The following PLPP4 variants were observed in gnomAD, a reference collection of about 807,000 sequenced individuals.
PLPP4 encodes diacylglycerol pyrophosphate like 2.
In PLPP4, 20 loss-of-function variants were observed where a neutral mutation model predicts 32.2. The observed-to-expected ratio is 0.62, with a 90% CI of 0.44 to 0.90. The LOEUF (loss-of-function observed/expected upper bound fraction) is 0.90, where lower values mean the gene tolerates loss of function less well. Among genes scored for constraint, PLPP4 ranks in the 40% least tolerant of loss-of-function variants. The pLI is 0.00. For synonymous variants in PLPP4, 127 were observed against 133.0 expected (o/e 0.95, Z 0.31); for missense variants, 257 against 353.1 (o/e 0.73, Z 2.18).
chr10:120,527,577 A>G (rs540209711), intron 5 of PLPP4, among the ~76,000 whole-genome samples: 6 of 152,226 alleles, frequency 3.9e-5, no homozygotes, highest in African/African-American at 7.2e-5. Context: ...CCAAGTTGAC[A>G]CATAAGGTTA....
intron 5 of PLPP4, among the ~76,000 whole-genome samples, chr10:120,521,563 TC>T (rs1846157585): frequency 6.6e-6 from 1 of 152,172 alleles, no homozygotes; most frequent in Admixed American, 6.5e-5. Context: ...CAGTTTATAG[TC>T]TGACTATAGA....
intron 6 of PLPP4, among the ~76,000 whole-genome samples, chr10:120,578,778 G>A (rs189689600): frequency 6.6e-6 from 1 of 152,168 alleles, no homozygotes; most frequent in African/African-American, 2.4e-5. Context: ...ACACAAAACC[G>A]GTGGGATCAA....
In PLPP4 at chr10:120,503,612, T is replaced by C. The variant is rs193270781; in HGVS notation, c.57-206T>C. ...AATTGGTCCTTCTGGCAGGTAGTGATGGAAGAGTCTGCAAAGTCTCAGTGA... is the reference window on the plus strand; with the variant it reads ...AATTGGTCCTTCTGGCAGGTAGTGACGGAAGAGTCTGCAAAGTCTCAGTGA... On this transcript the variant is annotated intron_variant, in intron 1 of 6. Transcript: ENST00000398250. The C allele has an allele frequency of 8.2e-4, 1,314 of 1,609,606 alleles. 2 individuals are homozygous for C. Among genetic ancestry groups the C allele is most frequent in the Non-Finnish European group, 1.1e-3 (1,256 of 1,178,046 alleles).
chr10:120,548,673 G>A (rs1036680204), intron 5 of PLPP4, among the ~76,000 whole-genome samples: 13 of 152,190 alleles, frequency 8.5e-5, no homozygotes, highest in Non-Finnish European at 1.6e-4. Flanking sequence ...CACAATGGCT[G>A]AACTAATTTA....
rs1845721792 is a variant in PLPP4, at chr10:120,511,377, A to T, written c.166-2534A>T. Among the ~76,000 whole-genome samples, 3 of 152,174 alleles carry T rather than the reference A, an allele frequency of 2.0e-5. No homozygotes were observed. The South Asian group carries it at 6.2e-4, about 31-fold the overall frequency. On this transcript the variant is annotated intron_variant, in intron 2 of 6. Transcript: ENST00000398250. ...CTCTGGAATTTCCTTTGGAAGCCTC[A>T]TTGGGAAAGTCATCCCAACTCATAC... is the stretch of plus-strand genomic sequence containing the variant.
At chr10:120,549,239 G>A (rs2901246) in intron 5 of PLPP4, among the ~76,000 whole-genome samples, 106,182 of 151,106 alleles carry the variant, frequency 0.7, 37,496 homozygotes, top group East Asian at 0.81. Context: ...AATACTTAAA[G>A]AAAAGATAAT....
intron 5 of PLPP4, among the ~76,000 whole-genome samples, chr10:120,528,913 A>G (rs181042507): frequency 3.1e-4 from 47 of 152,304 alleles, no homozygotes; most frequent in African/African-American, 1.0e-3. Flanking sequence ...TCTTAAAAAT[A>G]TAAGCATCTA....
At chr10:120,487,374 G>T (rs1291977225) in intron 1 of PLPP4, among the ~76,000 whole-genome samples, 1 of 152,150 alleles carries the variant, frequency 6.6e-6, no homozygotes, top group Non-Finnish European at 1.5e-5. Context: ...GTGAACCTTT[G>T]GTATTTTAAA....
At chr10:120,508,145 A>C (rs1321190462) in intron 2 of PLPP4, among the ~76,000 whole-genome samples, 1 of 152,232 alleles carries the variant, frequency 6.6e-6, no homozygotes, top group East Asian at 1.9e-4. Context: ...ATTCTGGGAT[A>C]GGATGCTTCT....
At chr10:120,503,772 G>A in intron 1 of PLPP4, 46 bp from the exon 2 acceptor site, 1 of 1,592,258 alleles carries the variant, frequency 6.3e-7, no homozygotes, top group South Asian at 1.1e-5. Context: ...ACTTCCCACA[G>A]CAACAGAACG....
intron 5 of PLPP4, among the ~76,000 whole-genome samples, chr10:120,530,911 G>A (rs554189000): frequency 6.6e-6 from 1 of 152,160 alleles, no homozygotes; most frequent in South Asian, 2.1e-4. Context: ...TAATGTTGCT[G>A]TGCACCTTGT....
intron 6 of PLPP4, 53 bp downstream of exon 6, chr10:120,575,354 C>G: frequency 6.4e-7 from 1 of 1,565,842 alleles, no homozygotes; most frequent in Middle Eastern, 1.7e-4. Flanking sequence ...CCCCTCTCCT[C>G]CAGGGATGGG....
At chr10:120,550,631 A>G (rs1847851518) in intron 5 of PLPP4, among the ~76,000 whole-genome samples, 1 of 152,010 alleles carries the variant, frequency 6.6e-6, no homozygotes, top group Non-Finnish European at 1.5e-5. Context: ...CTTTCAAAAA[A>G]GGTGTCAAGG....
At position 120,571,179 on chromosome 10, in the gene PLPP4, G is replaced by C. The variant is rs1352239746; in HGVS notation, c.446-3952G>C. Reference sequence around the variant, plus strand: ...GAGAGCAAATGAACAAGTTTGTCCAGGACAAGTAGACTCTGAATATCCTCT... The same window carrying C: ...GAGAGCAAATGAACAAGTTTGTCCACGACAAGTAGACTCTGAATATCCTCT... On this transcript the variant is annotated intron_variant, in intron 5 of 6. Coordinates refer to ENST00000398250, the MANE Select transcript of PLPP4 (RefSeq NM_001030059.3). 2.0e-5 allele frequency among the ~76,000 whole-genome samples: 3 copies of C among 150,798 alleles called. No homozygotes were observed. In the East Asian group the frequency reaches 5.9e-4, roughly 30 times the overall value.
chr10:120,518,719 C>A (rs1342968476), intron 3 of PLPP4, 114 bp from the exon 4 acceptor site: 2 of 806,336 alleles, frequency 2.5e-6, no homozygotes, highest in Admixed American at 4.8e-5. Context: ...GTTCATATTT[C>A]TCTGGTCATT....
At chr10:120,565,355 T>TGTGCGC (rs1554896517) in intron 5 of PLPP4, among the ~76,000 whole-genome samples, 5 of 132,588 alleles carry the variant, frequency 3.8e-5, no homozygotes, top group Admixed American at 3.0e-4. Context: ...TGTGTGTGTG[T>TGTGCGC]GTGTGTGCTG....
chr10:120,511,535 T>A (rs903124514), intron 2 of PLPP4, among the ~76,000 whole-genome samples: 2 of 152,210 alleles, frequency 1.3e-5, no homozygotes, highest in Admixed American at 1.3e-4. Context: ...GGTCGTCCAC[T>A]ATTTAGTGAG....
intron 5 of PLPP4, among the ~76,000 whole-genome samples, chr10:120,560,575 T>G (rs1848387255): frequency 6.6e-6 from 1 of 151,930 alleles, no homozygotes; most frequent in South Asian, 2.1e-4. Flanking sequence ...GCCAACATAG[T>G]GAAACCCCAT....
intron 4 of PLPP4, among the ~76,000 whole-genome samples, chr10:120,519,450 G>A (rs1191009120): frequency 6.6e-6 from 1 of 151,436 alleles, no homozygotes; most frequent in Non-Finnish European, 1.5e-5. Flanking sequence ...GTTGGCCTGG[G>A]ACACACTAGA....
Sources: gnomAD v4.1 joint callset for allele counts (sites outside exome capture counted in the v4.1 genomes callset) on GRCh38, gnomAD v4.1.1 for gene constraint, MANE v1.5 for transcripts, NCBI Gene and HGNC (gene_info 2026-07-23, HGNC 2026-07-21) for gene names.